Variants in C12orf50 observed in about 807,000 individuals in gnomAD.
The protein encoded by C12orf50 is zinc finger CCCH-type containing 11D.
In C12orf50, 35 loss-of-function variants were observed where a neutral mutation model predicts 61.6. The ratio of observed to expected loss-of-function variants is 0.57; its 90% CI spans 0.43 to 0.75. The LOEUF (loss-of-function observed/expected upper bound fraction) is 0.75, where lower values mean the gene tolerates loss of function less well. C12orf50 is among the 30% of genes least tolerant of loss of function. The pLI, the probability that C12orf50 is intolerant of heterozygous loss-of-function variation, is 0.00. For missense variants in C12orf50, 475 were observed against 488.5 expected (o/e 0.97, Z 0.26); for synonymous variants, 178 against 161.5 (o/e 1.10, Z -0.77).
At chr12:88,021,411 G>C (rs1592684925) in intron 3 of C12orf50, among the ~76,000 whole-genome samples, 1 of 152,242 alleles carries the variant, frequency 6.6e-6, no homozygotes, top group African/African-American at 2.4e-5. Context: ...GCCAAGGCAG[G>C]CAGATCACTT....
At chr12:88,008,227 C>T (rs1240735700) in intron 3 of C12orf50, among the ~76,000 whole-genome samples, 2 of 152,168 alleles carry the variant, frequency 1.3e-5, no homozygotes, top group East Asian at 3.9e-4. Context: ...ACCCTCTACC[C>T]TCTGGTAGAC....
intron 3 of C12orf50, among the ~76,000 whole-genome samples, chr12:88,005,894 T>C (rs1036719475): frequency 2.3e-4 from 35 of 148,942 alleles, no homozygotes; most frequent in African/African-American, 7.5e-4. Context: ...CAAAGGACTA[T>C]GTTTTTTTGT....
intron 3 of C12orf50, among the ~76,000 whole-genome samples, chr12:88,005,934 T>TTTTTG (rs1565752378): frequency 1.7e-5 from 2 of 116,862 alleles, no homozygotes; most frequent in Non-Finnish European, 3.5e-5. Flanking sequence ...TTTTTTTTTT[T>TTTTTG]GAGACGGAGT....
intron 3 of C12orf50, among the ~76,000 whole-genome samples, chr12:88,012,362 G>A (rs2032143764): frequency 6.6e-6 from 1 of 152,180 alleles, no homozygotes; most frequent in Middle Eastern, 3.4e-3. Context: ...CACACATGCA[G>A]TACAAAACAC....
chr12:87,996,734 G>A (rs779019474), intron 4 of C12orf50, 88 bp from the exon 5 acceptor site: 140 of 897,574 alleles, frequency 1.6e-4, no homozygotes, highest in Non-Finnish European at 2.3e-4. Context: ...CCCAAATACT[G>A]TTCTCATGGA....
chr12:87,989,510 A>C, intron 7 of C12orf50, 139 bp from the exon 8 acceptor site: 4 of 578,628 alleles, frequency 6.9e-6, no homozygotes, highest in East Asian at 2.9e-5. Context: ...ATCCATCTCC[A>C]TACATTTATA....
intron 3 of C12orf50, among the ~76,000 whole-genome samples, chr12:88,017,650 A>G (rs796174116): frequency 7.9e-5 from 12 of 152,326 alleles, no homozygotes; most frequent in African/African-American, 2.6e-4. Flanking sequence ...GAAAGTTTGG[A>G]ACCTCCTAGA....
chr12:87,987,106 C>T (rs1161950271), intron 9 of C12orf50, among the ~76,000 whole-genome samples: 3 of 152,098 alleles, frequency 2.0e-5, no homozygotes, highest in Non-Finnish European at 4.4e-5. Flanking sequence ...GTGACCGCTG[C>T]ACAGAGAAAC....
At chr12:87,998,332 T>C (rs2031507828) in intron 3 of C12orf50, 142 bp from the exon 4 acceptor site, 7 of 562,378 alleles carry the variant, frequency 1.2e-5, no homozygotes, top group Non-Finnish European at 1.9e-5. Flanking sequence ...ATTGTGTTTC[T>C]ACACACTAGC....
chr12:88,021,425 G>A lies in C12orf50; in HGVS notation c.133+5063C>T, dbSNP rs1019199706. On this transcript the variant is annotated intron_variant, in intron 3 of 12. Coordinates refer to ENST00000298699, the MANE Select transcript of C12orf50 (RefSeq NM_152589.3). ...GGCCAAGGCAGGCAGATCACTTGAG[G>A]CCAGGAGTTCGAGACCAGCCTGGCC... 9.9e-5 allele frequency among the ~76,000 whole-genome samples: 15 copies of A among 152,106 alleles called. 1 individual carries two copies. Among genetic ancestry groups the A allele is most frequent in the Non-Finnish European group, 4.4e-5 (3 of 68,006 alleles).
chr12:87,997,987 G>C, intron 4 of C12orf50, 48 bp downstream of exon 4: 1 of 1,469,430 alleles, frequency 6.8e-7, no homozygotes, highest in Non-Finnish European at 9.3e-7. Context: ...TGTAAAAAAT[G>C]TGAGGTTTTT....
At chr12:87,999,472 C>G (rs1388496861) in intron 3 of C12orf50, among the ~76,000 whole-genome samples, 1 of 152,068 alleles carries the variant, frequency 6.6e-6, no homozygotes, top group Non-Finnish European at 1.5e-5. Flanking sequence ...TCACTTCATA[C>G]TACAACGATT....
chr12:88,028,999 G>T, intron 1 of C12orf50: 1 of 871,310 alleles, frequency 1.1e-6, no homozygotes, highest in Non-Finnish European at 1.5e-6. Context: ...ACAAGTTATT[G>T]CCATATCTCC....
intron 6 of C12orf50, 135 bp from the exon 7 acceptor site, chr12:87,994,878 A>G (rs2031311138): frequency 1.7e-6 from 1 of 587,056 alleles, no homozygotes; most frequent in Admixed American, 3.0e-5. Context: ...GATCTGATAA[A>G]CAATAAATTA....
intron 3 of C12orf50, among the ~76,000 whole-genome samples, chr12:88,024,417 G>GTA (rs1433478230): frequency 6.6e-6 from 1 of 152,100 alleles, no homozygotes; most frequent in Non-Finnish European, 1.5e-5. Flanking sequence ...GGAAAATGTG[G>GTA]TATATATATG....
upstream of C12orf50, chr12:88,030,221 GA>G: frequency 9.7e-6 from 2 of 206,924 alleles, no homozygotes; most frequent in Non-Finnish European, 1.9e-5. Flanking sequence ...GGCAGGAGGT[GA>G]AAGGCACTTC....
In C12orf50 at chr12:87,998,107, A is replaced by G. The variant is rs2031494474; in HGVS notation, c.217T>C (p.Ser73Pro). 1 of 1,612,994 alleles carries G rather than the reference A, an allele frequency of 6.2e-7. No homozygotes were observed. Residue 73 changes from serine (S) to proline (P), a missense_variant, in exon 4 of 13, where the codon TCA becomes CCA. Physicochemically the swap from Ser to Pro is moderately conservative, Grantham distance 74. Transcript: ENST00000298699. Reference protein sequence around the residue: ...QEPLKPQENISRPIHHPLVLK... With the variant: ...QEPLKPQENIPRPIHHPLVLK... The stretch of plus-strand genomic sequence containing the variant: ...ACTAAAGGATGGTGGATGGGTCGTG[A>G]TATATTTTCCTGAGGTTTCAGAGGT...
intron 10 of C12orf50, 122 bp downstream of exon 10, chr12:87,986,190 G>A: frequency 4.9e-6 from 6 of 1,231,416 alleles, no homozygotes; most frequent in Non-Finnish European, 6.8e-6. Flanking sequence ...GAGAAGTTGA[G>A]TTGACCCCTA....
intron 3 of C12orf50, among the ~76,000 whole-genome samples, chr12:88,023,362 A>T (rs760880037): frequency 3.9e-5 from 6 of 152,054 alleles, no homozygotes; most frequent in Admixed American, 3.9e-4. Context: ...TTCACTCAAG[A>T]TAGATTAAAG....
Sources: allele counts gnomAD v4.1 joint callset (sites outside exome capture counted in the v4.1 genomes callset), GRCh38; gene constraint gnomAD v4.1.1; transcripts MANE v1.5; gene names NCBI Gene and HGNC (gene_info 2026-07-23, HGNC 2026-07-21).